FBXO4: variants seen among roughly 807,000 people sequenced by gnomAD.
The protein encoded by FBXO4 is F-box only protein 4.
In FBXO4, 36 loss-of-function variants were observed where a neutral mutation model predicts 43.7. The observed-to-expected ratio is 0.82, with a 90% CI of 0.63 to 1.09. The LOEUF (loss-of-function observed/expected upper bound fraction) is 1.09, where lower values mean the gene tolerates loss of function less well. Ranked by LOEUF, FBXO4 falls within the 50% of genes least tolerant of loss-of-function variation. The pLI is 0.00. For synonymous variants in FBXO4, 180 were observed against 165.6 expected (o/e 1.09, Z -0.67); for missense variants, 435 against 474.1 (o/e 0.92, Z 0.77).
chr5:41,997,872 G>A, the FBXO4 span, among the ~76,000 whole-genome samples: 1 of 152,078 alleles, frequency 6.6e-6, no homozygotes. Context: ...CTTCCTCAAG[G>A]GGACCCAGCC....
chr5:42,030,509 A>G, the FBXO4 span, among the ~76,000 whole-genome samples: 1 of 152,094 alleles, frequency 6.6e-6, no homozygotes, highest in Non-Finnish European at 1.5e-5. Context: ...AAACCCTAGA[A>G]GAAAACCTAG....
the FBXO4 span, among the ~76,000 whole-genome samples, chr5:42,005,788 T>C: frequency 3.9e-5 from 6 of 152,232 alleles, no homozygotes; most frequent in Admixed American, 1.3e-4. Context: ...CTCATTTCTA[T>C]TTAAAAGAAG....
chr5:41,963,291 G>A, the FBXO4 span, among the ~76,000 whole-genome samples: 2 of 151,872 alleles, frequency 1.3e-5, no homozygotes, highest in African/African-American at 2.4e-5. Flanking sequence ...TATATTGGAG[G>A]TATTAATCTT....
intron 5 of FBXO4, 138 bp downstream of exon 5, chr5:41,934,446 A>G: frequency 6.7e-7 from 1 of 1,492,906 alleles, no homozygotes; most frequent in African/African-American, 1.4e-5. Flanking sequence ...CTTACTATTA[A>G]TAGTGTGTTC....
At position 41,939,444 on chromosome 5, in the gene FBXO4, A is replaced by C. The variant is rs930287583; in HGVS notation, c.902A>C (p.His301Pro). Residue 301 changes from histidine to proline, a missense_variant, in exon 6 of 7, where the codon CAT (histidine) becomes CCT (proline). Transcript: ENST00000281623. Reference protein sequence around the residue: ...YVANAEAHKRHEWQDEFSHIM... With the variant: ...YVANAEAHKRPEWQDEFSHIM... ...GGTTTTGACTTACATTCCTTAGGAC[A>C]TGAATGGCAAGATGAATTTTCTCAT... 1.2e-6 allele frequency: 2 copies of C among 1,608,484 alleles called. No homozygotes were observed. Among genetic ancestry groups the C allele is most frequent in the Non-Finnish European group, 1.7e-6 (2 of 1,176,712 alleles).
At chr5:41,982,189 G>C in the FBXO4 span, among the ~76,000 whole-genome samples, 1 of 152,114 alleles carries the variant, frequency 6.6e-6, no homozygotes, top group East Asian at 1.9e-4. Flanking sequence ...TTGCTATTGG[G>C]AATAGTGCTG....
At chr5:41,978,981 T>C in the FBXO4 span, among the ~76,000 whole-genome samples, 2 of 147,744 alleles carry the variant, frequency 1.4e-5, no homozygotes, top group Non-Finnish European at 3.0e-5. Context: ...GCAATTTTTG[T>C]TTTTTTTTGT....
At chr5:41,954,196 C>T in the FBXO4 span, among the ~76,000 whole-genome samples, 1 of 151,500 alleles carries the variant, frequency 6.6e-6, no homozygotes, top group Non-Finnish European at 1.5e-5. Context: ...CTAAATTTAC[C>T]CAAATAGTCT....
intron 6 of FBXO4, 127 bp downstream of exon 6, chr5:41,939,743 A>G: frequency 1.5e-6 from 1 of 655,412 alleles, no homozygotes; most frequent in East Asian, 3.1e-5. Flanking sequence ...AGCTTAATCT[A>G]TGGAAGCTAT....
At chr5:41,986,296 C>G in the FBXO4 span, among the ~76,000 whole-genome samples, 1 of 151,620 alleles carries the variant, frequency 6.6e-6, no homozygotes, top group Admixed American at 6.6e-5. Context: ...CCCCATTTAC[C>G]AAAAAGATTT....
the FBXO4 span, chr5:41,967,549 G>A: frequency 1.0e-6 from 1 of 1,000,278 alleles, no homozygotes; most frequent in Non-Finnish European, 1.5e-6. Context: ...CCCCATCTGT[G>A]TGCAGTGACA....
At chr5:41,975,312 T>C in the FBXO4 span, among the ~76,000 whole-genome samples, 1 of 152,344 alleles carries the variant, frequency 6.6e-6, no homozygotes, top group South Asian at 2.1e-4. Context: ...GACTAATTAA[T>C]TGATGTATGA....
At chr5:41,983,451 T>C in the FBXO4 span, among the ~76,000 whole-genome samples, 1 of 151,964 alleles carries the variant, frequency 6.6e-6, no homozygotes, top group African/African-American at 2.4e-5. Context: ...CTTTAGCATT[T>C]TCTAATTTTC....
the FBXO4 span, among the ~76,000 whole-genome samples, chr5:41,995,050 G>A: frequency 6.6e-6 from 1 of 152,140 alleles, no homozygotes; most frequent in Admixed American, 6.5e-5. Context: ...AGTTGGCGTT[G>A]TAATTGTAAC....
chr5:41,925,570 C>T (rs1474711459), intron 1 of FBXO4, 72 bp downstream of exon 1: 1 of 1,189,418 alleles, frequency 8.4e-7, no homozygotes, highest in African/African-American at 1.6e-5. Flanking sequence ...CTGGAGCCCC[C>T]CGGGGCCTGG....
chr5:42,006,904 A>ATATATATATATATATATATG, the FBXO4 span, among the ~76,000 whole-genome samples: 11 of 139,496 alleles, frequency 7.9e-5, no homozygotes, highest in African/African-American at 2.7e-4. Context: ...ATATATATAT[A>ATATATATATATATATATATG]TATATATATA....
chr5:41,996,738 T>C, the FBXO4 span, among the ~76,000 whole-genome samples: 1 of 152,002 alleles, frequency 6.6e-6, no homozygotes, highest in South Asian at 2.1e-4. Flanking sequence ...CTCTTGGTTG[T>C]AGGGGAGGCC....
At chr5:41,932,429 G>A (rs1048690376) in intron 3 of FBXO4, among the ~76,000 whole-genome samples, 1 of 152,164 alleles carries the variant, frequency 6.6e-6, no homozygotes, top group African/African-American at 2.4e-5. Context: ...TGCAGTCTTA[G>A]TACTTAAGAG....
the FBXO4 span, among the ~76,000 whole-genome samples, chr5:41,949,000 A>G: frequency 1.3e-5 from 2 of 152,242 alleles, no homozygotes; most frequent in Non-Finnish European, 2.9e-5. Context: ...AAAGCCTTTG[A>G]CAAAATTCAA....
Sources: allele counts gnomAD v4.1 joint callset (sites outside exome capture counted in the v4.1 genomes callset), GRCh38; gene constraint gnomAD v4.1.1; transcripts MANE v1.5; gene names NCBI Gene and HGNC (gene_info 2026-07-23, HGNC 2026-07-21).